VSIR: variants seen among roughly 807,000 people sequenced by gnomAD.
VSIR encodes the protein V-set immunoregulatory receptor, also known as V-type immunoglobulin domain-containing suppressor of T-cell activation.
A neutral mutation model predicts 31.0 loss-of-function variants in VSIR; 10 were observed. The observed-to-expected ratio is 0.32, with a 90% CI of 0.20 to 0.55. The LOEUF is 0.55. Ranked by LOEUF, VSIR falls within the 20% of genes least tolerant of loss-of-function variation. The probability of loss-of-function intolerance (pLI) is 0.93; values close to 1 mark genes in which losing one functional copy is unlikely to be tolerated. For missense variants in VSIR, 356 were observed against 416.2 expected, an observed-to-expected ratio of 0.86 and a Z score of 1.26; for synonymous variants, 179 against 180.1, an observed-to-expected ratio of 0.99 and a Z score of 0.05.
intron 3 of VSIR, among the ~76,000 whole-genome samples, chr10:71,759,775 G>A (rs542638434): frequency 1.3e-5 from 2 of 150,764 alleles, no homozygotes; most frequent in African/African-American, 4.9e-5. Context: ...TCGCGCCACT[G>A]CACTCCAGCC....
Position 71,753,005 on chromosome 10 carries a change from A to T in VSIR, c.677-3T>A, listed in dbSNP as rs758447987. 8 of 1,612,750 alleles carry T rather than the reference A, an allele frequency of 5.0e-6. No individual in the cohort carries two copies. In the Admixed American group the frequency reaches 1.3e-4, roughly 27 times the overall value. ...CATCCGCACCAGCTCCTGGGCACCT[A>T]GGGACAGACAGACAGAGAAGCTGGT... On this transcript the variant is annotated splice_region_variant and splice_polypyrimidine_tract_variant and intron_variant, in intron 4 of 6. Coordinates refer to ENST00000394957, the MANE Select transcript of VSIR (RefSeq NM_022153.2).
rs767886762 is a variant in VSIR at position 71,751,714 on chromosome 10, G to T, written c.852C>A (p.Thr284=). 6 of 1,573,346 alleles carry T rather than the reference G, an allele frequency of 3.8e-6. No homozygotes were observed. In the Admixed American group the frequency reaches 5.7e-5, roughly 15 times the overall value. Residue 284 remains threonine (T), a synonymous_variant, in exon 6 of 7, where the codon ACC becomes ACA. Coordinates refer to ENST00000394957, the MANE Select transcript of VSIR (RefSeq NM_022153.2). The surrounding 1 kb of genome is among the most constrained non-coding windows in gnomAD (Gnocchi z 4.9). The stretch of plus-strand genomic sequence containing the variant: ...CTCCGGGGCCTGGAGGAGACAGGGG[G>T]GTGCTGGGCTCCGAAAGCAGATGCC... ...SGRHLLSEPS[T]PLSPPGPGDV...
intron 1 of VSIR, among the ~76,000 whole-genome samples, chr10:71,766,150 C>T (rs571694995): frequency 1.3e-5 from 2 of 152,210 alleles, no homozygotes; most frequent in African/African-American, 2.4e-5. Flanking sequence ...AATTCTTTGG[C>T]GAGAGGATGT....
intron 2 of VSIR, among the ~76,000 whole-genome samples, chr10:71,761,142 C>A (rs572586662): frequency 4.6e-5 from 7 of 152,266 alleles, no homozygotes; most frequent in African/African-American, 7.2e-5. Flanking sequence ...CATGTGAATA[C>A]CCGCTGGTGC....
rs1280863445 is a variant in VSIR, at chr10:71,773,514, C to T, written c.-75G>A. 4 of 1,430,548 alleles carry T rather than the reference C, an allele frequency of 2.8e-6. No homozygotes were observed. The highest frequency in any genetic ancestry group is 3.8e-6 in the Non-Finnish European group (4 of 1,042,958). 88.6% of individuals were successfully genotyped at this position (1,430,548 alleles called of 1,614,324 possible). The stretch of plus-strand genomic sequence containing the variant: ...ACGCGGCCGGCGCGGGGAAGCCTCC[C>T]GCGACTGAGTGCGAGCGAGTGAGCG... On this transcript the variant is annotated 5_prime_UTR_variant, in exon 1 of 7. Transcript: ENST00000394957.
At chr10:71,761,037 C>T (rs1840369516) in intron 2 of VSIR, 113 bp from the exon 3 acceptor site, 10 of 1,076,968 alleles carry the variant, frequency 9.3e-6, no homozygotes, top group African/African-American at 3.1e-5. Context: ...AGTGCCTACT[C>T]GGCAGTGTTG....
In VSIR at chr10:71,760,704, A is replaced by C. The variant is rs1840357556; in HGVS notation, c.568+164T>G. On this transcript the variant is annotated intron_variant, in intron 3 of 6. Transcript: ENST00000394957. ...AGGAGAGTGGGCTTCTGGGGATTGC[A>C]CCAAGGAGGAAGCAGAAGGGATGTG... is the stretch of plus-strand genomic sequence containing the variant. 3 of 673,510 alleles carry C rather than the reference A, an allele frequency of 4.5e-6. No homozygotes were observed. The East Asian group carries it at 7.8e-5, about 18-fold the overall frequency. The allele number at this position is 673,510 out of a possible 1,614,324, so 41.7% of individuals were successfully genotyped here. A position where few individuals can be genotyped will look rare whatever the true frequency, so the allele number is the denominator to read the frequency against.
In VSIR at chr10:71,748,698, C is replaced by T. The variant is rs117150304; in HGVS notation, c.*2555G>A. ...CTGCCCCAGCCCCTAGTGCTCCTCC[C>T]GCCCCCTGGAGGCGCCATGTTCTCG... is the stretch of plus-strand genomic sequence containing the variant. On this transcript the variant is annotated 3_prime_UTR_variant, in exon 7 of 7. Transcript: ENST00000394957. 3,737 of 152,836 alleles carry T rather than the reference C, an allele frequency of 0.024. 68 individuals carry two copies. The highest frequency in any genetic ancestry group is 0.038 in the Non-Finnish European group (2,618 of 68,146). The allele number at this position is 152,836 out of a possible 1,614,324, so 9.5% of individuals were successfully genotyped here.
intron 2 of VSIR, among the ~76,000 whole-genome samples, 190 bp from the exon 3 acceptor site, chr10:71,761,114 T>C (rs1282965396): frequency 6.6e-6 from 1 of 152,102 alleles, no homozygotes; most frequent in African/African-American, 2.4e-5. Flanking sequence ...CTGCCCATTT[T>C]CATGCCACTC....
At chr10:71,756,951 G>A (rs779980537) in intron 3 of VSIR, among the ~76,000 whole-genome samples, 1 of 152,146 alleles carries the variant, frequency 6.6e-6, no homozygotes, top group Non-Finnish European at 1.5e-5. Flanking sequence ...AGTCACTTTA[G>A]AAGTACCCAC....
chr10:71,767,204 C>T (rs1251738312), intron 1 of VSIR, among the ~76,000 whole-genome samples: 1 of 152,230 alleles, frequency 6.6e-6, no homozygotes, highest in Non-Finnish European at 1.5e-5. Context: ...TCACCTCTCT[C>T]CACCCAGCAG....
chr10:71,770,314 G>A (rs1490789792), intron 1 of VSIR, among the ~76,000 whole-genome samples: 1 of 152,256 alleles, frequency 6.6e-6, no homozygotes, highest in African/African-American at 2.4e-5. Flanking sequence ...ACTTTAGAGG[G>A]AGGGGAACTT....
At chr10:71,756,900 A>G (rs1234726730) in intron 3 of VSIR, among the ~76,000 whole-genome samples, 2 of 152,234 alleles carry the variant, frequency 1.3e-5, no homozygotes, top group Admixed American at 6.5e-5. Flanking sequence ...ACAAGCTTTC[A>G]GGAGGTTTGT....
At chr10:71,765,197 C>G (rs1201941678) in intron 1 of VSIR, among the ~76,000 whole-genome samples, 1 of 152,246 alleles carries the variant, frequency 6.6e-6, no homozygotes, top group Non-Finnish European at 1.5e-5. Context: ...CCAGCTTCTG[C>G]CCCTTTCTCC....
chr10:71,760,950 T>C, intron 2 of VSIR, 26 bp from the exon 3 acceptor site: 1 of 1,612,386 alleles, frequency 6.2e-7, no homozygotes, highest in Middle Eastern at 1.7e-4. Flanking sequence ...GAAGGGCCAT[T>C]AGGTGGGTGT....
intron 4 of VSIR, among the ~76,000 whole-genome samples, chr10:71,754,627 C>A (rs1275706422): frequency 6.6e-6 from 1 of 152,182 alleles, no homozygotes; most frequent in African/African-American, 2.4e-5. Flanking sequence ...TAAAGCCCAG[C>A]CCCACCACTT....
In VSIR at chr10:71,759,979, A is replaced by G. The variant is rs1457416752; in HGVS notation, c.568+889T>C. 4.6e-5 allele frequency among the ~76,000 whole-genome samples: 4 copies of G among 86,352 alleles called. 1 individual carries two copies. Among genetic ancestry groups the G allele is most frequent in the African/African-American group, 7.0e-5 (2 of 28,408 alleles). The allele number at this position is 86,352 out of a possible 152,430, so 56.7% of individuals were successfully genotyped here. A position where few individuals can be genotyped will look rare whatever the true frequency, so the allele number is the denominator to read the frequency against. ...TACACACACATATATATACACACAC[A>G]CATATATATACACACACACATACAT... On this transcript the variant is annotated intron_variant, in intron 3 of 6. Transcript: ENST00000394957.
chr10:71,754,742 T>A (rs528171635), intron 4 of VSIR, among the ~76,000 whole-genome samples: 51 of 152,324 alleles, frequency 3.3e-4, no homozygotes, highest in Middle Eastern at 3.4e-3. Context: ...GGACTTGCAA[T>A]GAGGAGTAAG....
chr10:71,764,459 A>G (rs1273890032), intron 1 of VSIR, among the ~76,000 whole-genome samples: 1 of 152,178 alleles, frequency 6.6e-6, no homozygotes, highest in Non-Finnish European at 1.5e-5. Context: ...CTTCACACAT[A>G]TTTCATTGGA....
Sources: gnomAD v4.1 joint callset for allele counts (sites outside exome capture counted in the v4.1 genomes callset) on GRCh38, gnomAD v4.1.1 for gene constraint, Gnocchi (gnomAD v3.1) non-coding constraint, MANE v1.5 for transcripts, NCBI Gene and HGNC (gene_info 2026-07-23, HGNC 2026-07-21) for gene names.